The following PSMA8 variants were observed in gnomAD, a reference collection of about 807,000 sequenced individuals.
PSMA8 encodes the protein proteasome 20S subunit alpha 8.
PSMA8 carries 18 observed loss-of-function variants against 32.4 expected under a neutral mutation model. That is an observed-to-expected ratio of 0.56 (90% CI 0.38 to 0.82). PSMA8 has a LOEUF of 0.82. Ranked by LOEUF, PSMA8 falls within the 40% of genes least tolerant of loss-of-function variation. The probability of loss-of-function intolerance (pLI) is 0.00; values close to 1 mark genes in which losing one functional copy is unlikely to be tolerated. For missense variants in PSMA8, 298 were observed against 300.7 expected, an observed-to-expected ratio of 0.99 and a Z score of 0.07; for synonymous variants, 104 against 98.1, an observed-to-expected ratio of 1.06 and a Z score of -0.36.
chr18:26,189,770 T>G (rs2055386785), intron 6 of PSMA8, among the ~76,000 whole-genome samples: 1 of 152,148 alleles, frequency 6.6e-6, no homozygotes, highest in South Asian at 2.1e-4. Flanking sequence ...AAAGTACATA[T>G]GGTCCAGCAA....
At chr18:26,170,345 G>A (rs561659558) in intron 4 of PSMA8, among the ~76,000 whole-genome samples, 1 of 131,560 alleles carries the variant, frequency 7.6e-6, no homozygotes, top group Non-Finnish European at 1.5e-5. Context: ...GGATATACAC[G>A]TAGGAATCTT....
intron 6 of PSMA8, among the ~76,000 whole-genome samples, chr18:26,185,733 A>G (rs1020715946): frequency 6.6e-6 from 1 of 151,020 alleles, no homozygotes; most frequent in African/African-American, 2.4e-5. Flanking sequence ...TTATTTTAAA[A>G]TAGACTTGCG....
chr18:26,144,538 T>A, intron 1 of PSMA8, 21 bp from the exon 2 acceptor site: 1 of 1,600,074 alleles, frequency 6.2e-7, no homozygotes, highest in East Asian at 2.2e-5. Context: ...TGAATATATA[T>A]GTATTTTAAT....
chr18:26,183,733 G>A (rs1223525433), intron 6 of PSMA8, among the ~76,000 whole-genome samples: 1 of 150,828 alleles, frequency 6.6e-6, no homozygotes, highest in Non-Finnish European at 1.5e-5. Flanking sequence ...GCAGTGACAA[G>A]GTTTGAGAGG....
At position 26,171,293 on chromosome 18, in the gene PSMA8, A is replaced by T; in HGVS notation, c.478-7537A>T. 1.9e-6 allele frequency: 3 copies of T among 1,571,950 alleles called. No homozygotes were observed. In the South Asian group the frequency reaches 3.3e-5, roughly 17 times the overall value. On this transcript the variant is annotated intron_variant, in intron 4 of 6. Coordinates refer to ENST00000415576, the MANE Select transcript of PSMA8 (RefSeq NM_001025096.2). Reference sequence around the variant, plus strand: ...AGTTTAGCGAACCAACCATGACAGCAGCGGGAGGACCTCCGAGCCCGCTCG... The same window carrying T: ...AGTTTAGCGAACCAACCATGACAGCTGCGGGAGGACCTCCGAGCCCGCTCG...
At chr18:26,163,772 T>G (rs2055157418) in intron 4 of PSMA8, among the ~76,000 whole-genome samples, 1 of 152,226 alleles carries the variant, frequency 6.6e-6, no homozygotes, top group South Asian at 2.1e-4. Flanking sequence ...CATATTGGGA[T>G]AACACAATCT....
At chr18:26,190,235 G>A (rs139758940) in intron 6 of PSMA8, among the ~76,000 whole-genome samples, 1,889 of 151,922 alleles carry the variant, frequency 0.012, 12 homozygotes, top group Middle Eastern at 0.061. Flanking sequence ...AACACAACAG[G>A]GTAACTATAG....
chr18:26,158,023 A>C, intron 3 of PSMA8, 99 bp from the exon 4 acceptor site: 1 of 763,426 alleles, frequency 1.3e-6, no homozygotes, highest in Non-Finnish European at 2.1e-6. Flanking sequence ...GTCGAATAAG[A>C]ATTAGGGAAG....
Position 26,187,325 on chromosome 18 carries a change from C to G in PSMA8, c.661-4994C>G, listed in dbSNP as rs150334369. Among the ~76,000 whole-genome samples the G allele has an allele frequency of 4.4e-3, 664 of 152,098 alleles. 6 individuals are homozygous for G. Among genetic ancestry groups the G allele is most frequent in the African/African-American group, 0.015 (638 of 41,488 alleles). The stretch of plus-strand genomic sequence containing the variant: ...TCATGCCACTGCACTCCAGCCTGGG[C>G]GACAGAGCAAGAGTCTGCTTCAAAA... On this transcript the variant is annotated intron_variant, in intron 6 of 6. Transcript: ENST00000415576.
intron 6 of PSMA8, among the ~76,000 whole-genome samples, chr18:26,185,643 A>G (rs2055347079): frequency 6.6e-6 from 1 of 150,802 alleles, no homozygotes; most frequent in Non-Finnish European, 1.5e-5. Context: ...TATAGAATGG[A>G]TGTTTGGGGA....
At chr18:26,141,281 C>A (rs546711648) in intron 1 of PSMA8, among the ~76,000 whole-genome samples, 29 of 151,778 alleles carry the variant, frequency 1.9e-4, no homozygotes, top group Admixed American at 9.2e-4. Flanking sequence ...ATGATAAATT[C>A]TCTCCTGAAC....
intron 4 of PSMA8, among the ~76,000 whole-genome samples, chr18:26,163,248 T>TA (rs1224551769): frequency 1.8e-5 from 2 of 112,750 alleles, no homozygotes; most frequent in African/African-American, 7.1e-5. Context: ...TATATATATA[T>TA]ATATATATAT....
chr18:26,133,878 C>A lies in PSMA8; in HGVS notation c.-88C>A. On this transcript the variant is annotated 5_prime_UTR_variant, in exon 1 of 7. Transcript: ENST00000415576. ...AGGCGCGTGTGGAAGCGCTTCCGGG[C>A]GGTAGCACGCTGTGTTGGCGGCGGC... is the stretch of plus-strand genomic sequence containing the variant. The A allele has an allele frequency of 8.7e-7, 1 of 1,152,382 alleles. No homozygotes were observed. Among genetic ancestry groups the A allele is most frequent in the Non-Finnish European group, 1.3e-6 (1 of 775,590 alleles). The allele number at this position is 1,152,382 out of a possible 1,614,324, so 71.4% of individuals were successfully genotyped here.
At chr18:26,140,064 T>C (rs757022060) in intron 1 of PSMA8, 10 of 702,962 alleles carry the variant, frequency 1.4e-5, no homozygotes, top group Non-Finnish European at 2.6e-5. Context: ...TCTCTGATTG[T>C]TCACGATTCT....
chr18:26,166,004 A>G (rs915883334), intron 4 of PSMA8, among the ~76,000 whole-genome samples: 8 of 152,258 alleles, frequency 5.3e-5, no homozygotes, highest in Non-Finnish European at 8.8e-5. Context: ...TGGGAGGCTG[A>G]GGCAGGAGAA....
In PSMA8 at chr18:26,171,879, C is replaced by T. The variant is rs149717416; in HGVS notation, c.478-6951C>T. 2.3e-3 allele frequency among the ~76,000 whole-genome samples: 357 copies of T among 152,330 alleles called. 1 individual carries two copies. Among genetic ancestry groups the T allele is most frequent in the African/African-American group, 8.2e-3 (341 of 41,568 alleles). ...AGACCCTCTGGGTCAGAAACAAAGA[C>T]TTTATTACTCATGGCACATCAAACA... On this transcript the variant is annotated intron_variant, in intron 4 of 6. Transcript: ENST00000415576.
chr18:26,183,659 T>A (rs1470403851), intron 6 of PSMA8, among the ~76,000 whole-genome samples: 1 of 150,882 alleles, frequency 6.6e-6, no homozygotes, highest in Non-Finnish European at 1.5e-5. Flanking sequence ...AATCTACTCC[T>A]GGTTATGATG....
chr18:26,151,708 C>G (rs2055046834), intron 2 of PSMA8, 150 bp from the exon 3 acceptor site: 2 of 584,702 alleles, frequency 3.4e-6, no homozygotes, highest in Non-Finnish European at 5.5e-6. Flanking sequence ...ACAAATGACA[C>G]TTTATCTCAC....
At chr18:26,180,019 G>A (rs1348284910) in intron 6 of PSMA8, among the ~76,000 whole-genome samples, 2 of 152,104 alleles carry the variant, frequency 1.3e-5, no homozygotes, top group Non-Finnish European at 2.9e-5. Context: ...GGGAGGCTGA[G>A]GCGGATGGAT....
Sources: allele counts gnomAD v4.1 joint callset (sites outside exome capture counted in the v4.1 genomes callset), GRCh38; gene constraint gnomAD v4.1.1; transcripts MANE v1.5; gene names NCBI Gene and HGNC (gene_info 2026-07-23, HGNC 2026-07-21).